The following DPP6 variants were observed in gnomAD, a reference collection of about 807,000 sequenced individuals.
DPP6 encodes A-type potassium channel modulatory protein DPP6.
Under a neutral mutation model 122.6 loss-of-function variants are expected in DPP6, and 69 were observed. The observed-to-expected ratio is 0.56, with a 90% confidence interval of 0.46 to 0.69. The LOEUF (loss-of-function observed/expected upper bound fraction) is 0.69. Among genes scored for constraint, DPP6 ranks in the 30% least tolerant of loss-of-function variants. The pLI is 0.00. For missense variants in DPP6, 928 were observed against 1,116.9 expected, an observed-to-expected ratio of 0.83 and a Z score of 2.41; for synonymous variants, 418 against 433.1, an observed-to-expected ratio of 0.97 and a Z score of 0.43.
intron 1 of DPP6, among the ~76,000 whole-genome samples, chr7:154,208,052 A>G (rs1019276982): frequency 8.5e-5 from 13 of 152,190 alleles, no homozygotes; most frequent in African/African-American, 2.9e-4. Context: ...CTGTGATATG[A>G]TAAAGAAAAC....
chr7:153,795,328 C>G, the DPP6 span, among the ~76,000 whole-genome samples: 2 of 152,180 alleles, frequency 1.3e-5, no homozygotes, highest in Admixed American at 6.5e-5. Context: ...GGCAGGGGAA[C>G]TGCTTGAATC....
intron 3 of DPP6, among the ~76,000 whole-genome samples, chr7:154,533,920 T>C (rs1192662157): frequency 6.6e-6 from 1 of 151,678 alleles, no homozygotes; most frequent in East Asian, 1.9e-4. Flanking sequence ...ATTTCTTGGG[T>C]CCAGGAGTTC....
intron 1 of DPP6, among the ~76,000 whole-genome samples, chr7:154,205,180 G>A (rs1465315062): frequency 6.6e-6 from 1 of 151,846 alleles, no homozygotes; most frequent in East Asian, 1.9e-4. Context: ...GATAATTGCA[G>A]ATTCACATGC....
At chr7:154,727,927 T>G (rs751278371) in intron 8 of DPP6, 40 bp downstream of exon 8, 2 of 1,552,440 alleles carry the variant, frequency 1.3e-6, no homozygotes, top group Admixed American at 3.8e-5. Flanking sequence ...GATTTGTGGT[T>G]GCTGCTGCTG....
At chr7:153,797,739 T>A in the DPP6 span, among the ~76,000 whole-genome samples, 5 of 152,172 alleles carry the variant, frequency 3.3e-5, no homozygotes, top group Admixed American at 2.6e-4. Flanking sequence ...CCAGCAGATA[T>A]GCTTCTTGGT....
At chr7:154,328,950 T>C (rs1808679682) in intron 1 of DPP6, among the ~76,000 whole-genome samples, 2 of 152,208 alleles carry the variant, frequency 1.3e-5, no homozygotes, top group Non-Finnish European at 1.5e-5. Flanking sequence ...CAGGGTTGTT[T>C]AGAAACATTG....
Position 154,096,927 on chromosome 7 carries a change from G to A in DPP6, c.243+43864G>A, listed in dbSNP as rs1805362544. Among the ~76,000 whole-genome samples, 3 of 152,214 alleles carry A rather than the reference G, an allele frequency of 2.0e-5. 1 individual carries two copies. Reference sequence around the variant, plus strand: ...ACCAGGTATTAGTAGTTATGGTTATGTAGCAAGGCTGGCTCAAGAAATGGA... The same window carrying A: ...ACCAGGTATTAGTAGTTATGGTTATATAGCAAGGCTGGCTCAAGAAATGGA... On this transcript the variant is annotated intron_variant, in intron 1 of 25. Transcript: ENST00000377770.
chr7:154,001,924 A>C (rs1468568904), intron 1 of DPP6, among the ~76,000 whole-genome samples: 1 of 151,858 alleles, frequency 6.6e-6, no homozygotes, highest in Non-Finnish European at 1.5e-5. Context: ...CAAGCTGTGC[A>C]GATGTTACCA....
chr7:154,469,516 A>G (rs1586367874), intron 2 of DPP6, among the ~76,000 whole-genome samples: 1 of 152,186 alleles, frequency 6.6e-6, no homozygotes, highest in East Asian at 1.9e-4. Flanking sequence ...ATGGATTCAT[A>G]TGGTGAACAA....
chr7:154,514,067 A>C (rs1826297726), intron 3 of DPP6, among the ~76,000 whole-genome samples: 1 of 152,150 alleles, frequency 6.6e-6, no homozygotes, highest in Non-Finnish European at 1.5e-5. Flanking sequence ...TGAGGTCAGG[A>C]GTTCAAGGCC....
chr7:154,870,754 G>A (rs1162016475), intron 18 of DPP6, among the ~76,000 whole-genome samples: 2 of 152,062 alleles, frequency 1.3e-5, no homozygotes, highest in Non-Finnish European at 1.5e-5. Flanking sequence ...CTTGAGGTCA[G>A]GAGTTCAAGA....
At position 154,412,422 on chromosome 7, in the gene DPP6, G is replaced by A. The variant is rs182931319; in HGVS notation, c.244-33792G>A. ...CCTCACCTGTCCTTTCTGAATGCAC[G>A]CACTCTTTTGGGGTCTCTTCCTCTT... On this transcript the variant is annotated intron_variant, in intron 1 of 25. Transcript: ENST00000377770. 1.9e-3 allele frequency among the ~76,000 whole-genome samples: 287 copies of A among 152,150 alleles called. 1 individual carries two copies. Among genetic ancestry groups the A allele is most frequent in the African/African-American group, 6.8e-3 (282 of 41,514 alleles).
chr7:154,092,410 G>C (rs1804921022), intron 1 of DPP6: 1 of 151,584 alleles, frequency 6.6e-6, no homozygotes, highest in African/African-American at 2.4e-5. Flanking sequence ...ATCCACCCAG[G>C]CCTCCAGTGT....
chr7:154,581,026 C>A (rs1832030282), intron 5 of DPP6, among the ~76,000 whole-genome samples: 1 of 152,148 alleles, frequency 6.6e-6, no homozygotes, highest in Admixed American at 6.5e-5. Context: ...CCTCCGCTCC[C>A]AGACTGTTTT....
chr7:154,500,791 A>G (rs908721160), intron 3 of DPP6, among the ~76,000 whole-genome samples: 36 of 152,346 alleles, frequency 2.4e-4, no homozygotes, highest in African/African-American at 8.4e-4. Context: ...AGAGTGGGGC[A>G]CTGCTGAAAA....
At chr7:154,658,819 TG>T (rs1306298520) in intron 6 of DPP6, among the ~76,000 whole-genome samples, 2 of 152,184 alleles carry the variant, frequency 1.3e-5, no homozygotes, top group African/African-American at 4.8e-5. Context: ...GTTGTGATGA[TG>T]GGAATGGTTA....
chr7:154,867,481 A>G (rs1274413914), intron 17 of DPP6, among the ~76,000 whole-genome samples: 5 of 152,214 alleles, frequency 3.3e-5, no homozygotes, highest in Admixed American at 3.3e-4. Context: ...CAGTCACCGA[A>G]GTTAAGGTCT....
At chr7:153,788,347 G>A in the DPP6 span, among the ~76,000 whole-genome samples, 1 of 152,160 alleles carries the variant, frequency 6.6e-6, no homozygotes, top group Non-Finnish European at 1.5e-5. Context: ...TCAAAATTAA[G>A]TCGTCTGTAG....
chr7:154,333,356 G>C (rs951608227), intron 1 of DPP6, among the ~76,000 whole-genome samples: 5 of 152,030 alleles, frequency 3.3e-5, no homozygotes, highest in African/African-American at 1.2e-4. Context: ...TCCTGAAAAT[G>C]TTCCCAATTT....
Sources: allele counts gnomAD v4.1 joint callset (sites outside exome capture counted in the v4.1 genomes callset), GRCh38; gene constraint gnomAD v4.1.1; transcripts MANE v1.5; gene names NCBI Gene and HGNC (gene_info 2026-07-23, HGNC 2026-07-21).